FAM227A: variants seen among roughly 807,000 people sequenced by gnomAD.
FAM227A encodes family with sequence similarity 227 member A, also known as protein FAM227A.
FAM227A carries 80 observed loss-of-function variants against 74.7 expected under a neutral mutation model. The ratio of observed to expected loss-of-function variants is 1.07; its 90% CI spans 0.89 to 1.29. The LOEUF (loss-of-function observed/expected upper bound fraction) is 1.29, where lower values mean the gene tolerates loss of function less well. FAM227A is among the 50% of genes most tolerant of loss of function. FAM227A has a pLI of 0.00. For synonymous variants in FAM227A, 237 were observed against 241.8 expected (o/e 0.98, Z 0.19); for missense variants, 654 against 683.4 (o/e 0.96, Z 0.48).
At chr22:38,605,387 T>C in intron 12 of FAM227A, 39 bp from the exon 13 acceptor site, 1 of 1,241,038 alleles carries the variant, frequency 8.1e-7, no homozygotes, top group Non-Finnish European at 1.2e-6. Flanking sequence ...ACCATTAGGT[T>C]CAAGCAATTC....
intron 6 of FAM227A, 131 bp from the exon 7 acceptor site, chr22:38,629,066 A>G (rs745647621): frequency 2.8e-5 from 17 of 609,834 alleles, no homozygotes; most frequent in African/African-American, 2.6e-4. Context: ...GTAATTTTAC[A>G]TACTCTCATT....
At chr22:38,598,693 C>T (rs1405133359) in intron 14 of FAM227A, among the ~76,000 whole-genome samples, 1 of 152,178 alleles carries the variant, frequency 6.6e-6, no homozygotes, top group Admixed American at 6.5e-5. Flanking sequence ...AGGCACTAGC[C>T]TTTATCTCTG....
chr22:38,612,715 T>C (rs1337835985), intron 11 of FAM227A, among the ~76,000 whole-genome samples: 2 of 152,012 alleles, frequency 1.3e-5, no homozygotes, highest in Admixed American at 6.6e-5. Context: ...ACTCCAGTTT[T>C]TGGAGAGACT....
intron 1 of FAM227A, among the ~76,000 whole-genome samples, chr22:38,655,314 G>A (rs1233198951): frequency 6.6e-6 from 1 of 151,708 alleles, no homozygotes; most frequent in Non-Finnish European, 1.5e-5. Flanking sequence ...CAGATCACCT[G>A]AGGTCAGGAG....
chr22:38,581,897 C>A lies in FAM227A; in HGVS notation c.*4228G>T. On this transcript the variant is annotated 3_prime_UTR_variant, in exon 17 of 17. Coordinates refer to ENST00000535113, the MANE Select transcript of FAM227A (RefSeq NM_001013647.2). ...AGCTAGGACTATAGGTATGCACTACCACATCGGACTAATTTTTTATGTTTT... is the reference window on the plus strand; with the variant it reads ...AGCTAGGACTATAGGTATGCACTACAACATCGGACTAATTTTTTATGTTTT... The A allele has an allele frequency of 6.1e-6, 1 of 163,420 alleles. No individual in the cohort carries two copies. Among genetic ancestry groups the A allele is most frequent in the Non-Finnish European group, 1.3e-5 (1 of 75,662 alleles). The allele number at this position is 163,420 out of a possible 1,614,324, so 10.1% of individuals were successfully genotyped here.
chr22:38,585,681 C>T lies in FAM227A; in HGVS notation c.*444G>A, dbSNP rs555803358. On this transcript the variant is annotated 3_prime_UTR_variant, in exon 17 of 17. Transcript: ENST00000535113. ...GTTGATACATCTGTCTTCCCTCTAC[C>T]AGATGGTGACTCCCTTGAGAACAGG... The T allele has an allele frequency of 9.9e-5, 19 of 192,318 alleles. No individual in the cohort carries two copies. In the South Asian group the frequency reaches 1.0e-3, roughly 10 times the overall value. The allele number at this position is 192,318 out of a possible 1,614,324, so 11.9% of individuals were successfully genotyped here.
intron 9 of FAM227A, among the ~76,000 whole-genome samples, chr22:38,625,414 A>C (rs1414607869): frequency 6.6e-6 from 1 of 151,176 alleles, no homozygotes; most frequent in African/African-American, 2.4e-5. Context: ...GAAAGAAAGA[A>C]AAAGCAGGCA....
intron 16 of FAM227A, among the ~76,000 whole-genome samples, chr22:38,586,455 C>A (rs1241975916): frequency 6.6e-6 from 1 of 152,004 alleles, no homozygotes; most frequent in Non-Finnish European, 1.5e-5. Context: ...GAACTGGGCC[C>A]CAAAAACCTC....
At chr22:38,626,593 G>A (rs2091805439) in intron 8 of FAM227A, among the ~76,000 whole-genome samples, 1 of 151,692 alleles carries the variant, frequency 6.6e-6, no homozygotes, top group Non-Finnish European at 1.5e-5. Context: ...GCCGGGTGCG[G>A]TGGCTCACGC....
intron 6 of FAM227A, among the ~76,000 whole-genome samples, chr22:38,629,620 T>C (rs537319734): frequency 6.6e-6 from 1 of 152,252 alleles, no homozygotes; most frequent in East Asian, 1.9e-4. Flanking sequence ...GGCCAGGAGG[T>C]TCCAAAGCGA....
At chr22:38,643,730 C>T (rs1433510452) in intron 3 of FAM227A, among the ~76,000 whole-genome samples, 3 of 152,182 alleles carry the variant, frequency 2.0e-5, no homozygotes, top group South Asian at 2.1e-4. Flanking sequence ...CTGTAATTGC[C>T]AAAACTTGGA....
intron 2 of FAM227A, among the ~76,000 whole-genome samples, chr22:38,647,746 C>T (rs1352087822): frequency 6.6e-6 from 1 of 152,160 alleles, no homozygotes; most frequent in Non-Finnish European, 1.5e-5. Context: ...ACTCCCTTCA[C>T]ATAAAGCAAG....
Position 38,639,582 on chromosome 22 carries a change from C to G in FAM227A, c.295+73G>C, listed in dbSNP as rs1042998789. ...CCTCATCTGAAACTTGGGATTCCTA[C>G]TCAGTTGCATTTTAGATACTAAAAA... On this transcript the variant is annotated intron_variant, in intron 4 of 16. Transcript: ENST00000535113. The G allele has an allele frequency of 5.2e-6, 7 of 1,335,906 alleles. No individual in the cohort carries two copies. The African/African-American group carries it at 8.7e-5, about 17-fold the overall frequency. 82.8% of individuals were successfully genotyped at this position (1,335,906 alleles called of 1,614,324 possible).
intron 11 of FAM227A, among the ~76,000 whole-genome samples, chr22:38,613,341 A>ATATAATATATATCATATATAATATATAT: frequency 2.0e-5 from 1 of 49,048 alleles, no homozygotes; most frequent in African/African-American, 8.2e-5. Flanking sequence ...ATAATATATA[A>ATATAATATATATCATATATAATATATAT]CATATATTAT....
intron 5 of FAM227A, among the ~76,000 whole-genome samples, chr22:38,638,222 C>A (rs537429687): frequency 6.6e-6 from 1 of 152,124 alleles, no homozygotes; most frequent in Non-Finnish European, 1.5e-5. Context: ...GGGGGCTGTG[C>A]GGTGGGGCCA....
At chr22:38,623,130 G>T in intron 10 of FAM227A, 42 bp downstream of exon 10, 1 of 1,321,766 alleles carries the variant, frequency 7.6e-7, no homozygotes, top group Non-Finnish European at 1.1e-6. Context: ...GGTTGAGTAT[G>T]GCAGTGGCAA....
Position 38,582,808 on chromosome 22 carries a change from T to A in FAM227A, c.*3317A>T. On this transcript the variant is annotated 3_prime_UTR_variant, in exon 17 of 17. Transcript: ENST00000535113. Reference sequence around the variant, plus strand: ...TCTACTATGGTAACTGCTGCCATAATGGGATGGCACAGAATGCTGTTGGAG... The same window carrying A: ...TCTACTATGGTAACTGCTGCCATAAAGGGATGGCACAGAATGCTGTTGGAG... 4 of 1,546,802 alleles carry A rather than the reference T, an allele frequency of 2.6e-6. No homozygotes were observed. Among genetic ancestry groups the A allele is most frequent in the Non-Finnish European group, 3.5e-6 (4 of 1,144,768 alleles).
intron 13 of FAM227A, among the ~76,000 whole-genome samples, chr22:38,604,340 A>G (rs2091238513): frequency 6.6e-6 from 1 of 152,094 alleles, no homozygotes; most frequent in South Asian, 2.1e-4. Context: ...AACAAAAACA[A>G]AAAAACAAGA....
intron 14 of FAM227A, among the ~76,000 whole-genome samples, 197 bp downstream of exon 14, chr22:38,599,567 G>A (rs1290856295): frequency 3.3e-5 from 5 of 152,168 alleles, no homozygotes; most frequent in East Asian, 3.9e-4. Flanking sequence ...GCCAGTTCAC[G>A]AGGCTGGCTC....
Sources: gnomAD v4.1 joint callset for allele counts (sites outside exome capture counted in the v4.1 genomes callset) on GRCh38, gnomAD v4.1.1 for gene constraint, MANE v1.5 for transcripts, NCBI Gene and HGNC (gene_info 2026-07-23, HGNC 2026-07-21) for gene names.